BIRC6: variants seen among roughly 807,000 people sequenced by gnomAD.
The protein encoded by BIRC6 is dual E2 ubiquitin-conjugating enzyme/E3 ubiquitin-protein ligase BIRC6.
BIRC6 carries 98 observed loss-of-function variants against 503.3 expected under a neutral mutation model. That is an observed-to-expected ratio of 0.19 (90% CI 0.17 to 0.23). BIRC6 has a LOEUF of 0.23. Among genes scored for constraint, BIRC6 ranks in the 10% least tolerant of loss-of-function variants. The pLI is 1.00. For missense variants in BIRC6, 5,360 were observed against 5,806.0 expected (o/e 0.92, Z 2.50); for synonymous variants, 2,240 against 2,078.7 (o/e 1.08, Z -2.11).
Position 32,524,943 on chromosome 2 carries a change from G to T in BIRC6, c.11679G>T (p.Lys3893Asn). 2 of 1,533,564 alleles carry T rather than the reference G, an allele frequency of 1.3e-6. No homozygotes were observed. The highest frequency in any genetic ancestry group is 8.8e-7 in the Non-Finnish European group (1 of 1,139,224). The allele number at this position is 1,533,564 out of a possible 1,614,324, so 95.0% of individuals were successfully genotyped here. A position where few individuals can be genotyped will look rare whatever the true frequency, so the allele number is the denominator to read the frequency against. Residue 3893 changes from lysine to asparagine, a missense_variant, in exon 58 of 74, where the codon AAG becomes AAT. Physicochemically the swap from Lys to Asn is moderately conservative, Grantham distance 94. Transcript: ENST00000421745. ...LISEQKDDKE[K>N]KNHEEKEKVK... Reference sequence around the variant, plus strand: ...GTGAACAAAAAGATGACAAAGAAAAGAAAAACCATGAAGAGAAAGAAAAAG... The same window carrying T: ...GTGAACAAAAAGATGACAAAGAAAATAAAAACCATGAAGAGAAAGAAAAAG...
At chr2:32,430,200 TA>T (rs1368025021) in intron 11 of BIRC6, among the ~76,000 whole-genome samples, 1 of 152,188 alleles carries the variant, frequency 6.6e-6, no homozygotes, top group East Asian at 1.9e-4. Context: ...AGTATTTTAT[TA>T]ATTTTTTAAA....
At position 32,503,125 on chromosome 2, in the gene BIRC6, A is replaced by G; in HGVS notation, c.9388A>G (p.Met3130Val). 6.2e-7 allele frequency: 1 copy of G among 1,611,852 alleles called. No individual in the cohort carries two copies. Among genetic ancestry groups the G allele is most frequent in the Non-Finnish European group, 8.5e-7 (1 of 1,178,850 alleles). ...TGCAAGAAGTATGGTATCAACTATT[A>G]TGAAATTTCTTGACTCTGGTCCAAA... Reference protein sequence around the residue: ...NTARSMVSTIMKFLDSGPNKA... With the variant: ...NTARSMVSTIVKFLDSGPNKA... The change falls in exon 49 of 74, where the codon ATG (methionine) becomes GTG (valine). Residue 3130 changes from methionine to valine, a missense_variant. Around this residue, in one of 16 missense-constraint regions of BIRC6, gnomAD observed 267 missense variants for 287.6 expected, o/e 0.93. Transcript: ENST00000421745.
intron 10 of BIRC6, among the ~76,000 whole-genome samples, chr2:32,421,266 C>G (rs2042930841): frequency 1.3e-5 from 2 of 151,860 alleles, no homozygotes; most frequent in South Asian, 4.1e-4. Flanking sequence ...GCCACCACGC[C>G]CAGCTAATTT....
chr2:32,499,820 A>G lies in BIRC6; in HGVS notation c.8742A>G (p.Thr2914=). 2 of 1,614,006 alleles carry G rather than the reference A, an allele frequency of 1.2e-6. No homozygotes were observed. The highest frequency in any genetic ancestry group is 1.7e-6 in the Non-Finnish European group (2 of 1,179,888). The change falls in exon 46 of 74, where the codon ACA becomes ACG. Residue 2914 remains threonine (T), a synonymous_variant. Transcript: ENST00000421745. ...GDAKAVCGEM[T]RDQLMFDLLK... ...CAAAAGCAGTTTGTGGCGAAATGAC[A>G]AGAGATCAACTCATGTTTGATTTGT...
intron 23 of BIRC6, among the ~76,000 whole-genome samples, chr2:32,456,336 T>C (rs894569430): frequency 7.2e-5 from 11 of 152,234 alleles, no homozygotes; most frequent in Admixed American, 6.5e-4. Context: ...TATCATTGCA[T>C]ATAGACAGTT....
intron 66 of BIRC6, among the ~76,000 whole-genome samples, chr2:32,575,583 T>C (rs1157936811): frequency 6.6e-6 from 1 of 152,006 alleles, no homozygotes; most frequent in Non-Finnish European, 1.5e-5. Flanking sequence ...GCTAACATGG[T>C]GAAACCCCGT....
chr2:32,618,194 G>T lies in BIRC6; in HGVS notation c.*290G>T. The T allele has an allele frequency of 4.5e-6, 1 of 220,940 alleles. No homozygotes were observed. The highest frequency in any genetic ancestry group is 8.8e-6 in the Non-Finnish European group (1 of 113,424). 13.7% of individuals were successfully genotyped at this position (220,940 alleles called of 1,614,324 possible). ...CTGCTATATAAGGGAAACTACCTTA[G>T]GAAAGAATGTTTACTGAATGTTTAT... is the stretch of plus-strand genomic sequence containing the variant. On this transcript the variant is annotated 3_prime_UTR_variant, in exon 74 of 74. Transcript: ENST00000421745.
intron 23 of BIRC6, among the ~76,000 whole-genome samples, chr2:32,457,384 A>C (rs1226402270): frequency 6.6e-6 from 1 of 151,956 alleles, no homozygotes; most frequent in Non-Finnish European, 1.5e-5. Flanking sequence ...CATTGTCCTG[A>C]TGGTTGGTTA....
chr2:32,380,095 T>G, intron 2 of BIRC6, 58 bp from the exon 3 acceptor site: 2 of 1,237,108 alleles, frequency 1.6e-6, no homozygotes, highest in Non-Finnish European at 2.2e-6. Flanking sequence ...GAATTTAATT[T>G]TTTGTTGTTC....
chr2:32,484,178 C>A (rs1248942721), intron 39 of BIRC6, among the ~76,000 whole-genome samples: 1 of 152,088 alleles, frequency 6.6e-6, no homozygotes, highest in Non-Finnish European at 1.5e-5. Context: ...TGCCCGGCTG[C>A]TGTAAAAAGT....
chr2:32,395,945 T>C (rs1206649139), intron 6 of BIRC6, among the ~76,000 whole-genome samples: 2 of 152,206 alleles, frequency 1.3e-5, no homozygotes, highest in African/African-American at 2.4e-5. Flanking sequence ...GAGAGCCTTA[T>C]AGTATACATT....
intron 65 of BIRC6, among the ~76,000 whole-genome samples, chr2:32,573,156 C>T (rs768236932): frequency 4.6e-5 from 7 of 152,134 alleles, no homozygotes; most frequent in Admixed American, 2.6e-4. Flanking sequence ...GTTTTCTTTA[C>T]TGCTTATTCC....
chr2:32,538,710 C>T (rs1043156664), intron 61 of BIRC6, among the ~76,000 whole-genome samples: 1 of 152,226 alleles, frequency 6.6e-6, no homozygotes, highest in Non-Finnish European at 1.5e-5. Context: ...GCAGGCAGAT[C>T]ACCTGAGCTC....
chr2:32,409,824 T>G (rs77718233), intron 9 of BIRC6, among the ~76,000 whole-genome samples: 3,870 of 152,276 alleles, frequency 0.025, 157 homozygotes, highest in African/African-American at 0.09. Context: ...GTGTAAAAAT[T>G]TATTTTTTGG....
intron 45 of BIRC6, among the ~76,000 whole-genome samples, chr2:32,497,991 C>T (rs1327366999): frequency 1.3e-5 from 2 of 151,990 alleles, no homozygotes; most frequent in Non-Finnish European, 2.9e-5. Context: ...TTTAAGAAAT[C>T]TTTTTCTGTT....
At chr2:32,611,227 T>C (rs1402889994) in intron 72 of BIRC6, among the ~76,000 whole-genome samples, 1 of 151,936 alleles carries the variant, frequency 6.6e-6, no homozygotes, top group Non-Finnish European at 1.5e-5. Flanking sequence ...TGCCTCAGCC[T>C]CCCAAATTGA....
chr2:32,377,854 T>C, intron 2 of BIRC6, 85 bp downstream of exon 2: 1 of 1,217,988 alleles, frequency 8.2e-7, no homozygotes, highest in Non-Finnish European at 1.1e-6. Context: ...AGTCATCCTT[T>C]AAGGACGTTA....
intron 43 of BIRC6, 75 bp downstream of exon 43, chr2:32,490,226 G>T (rs2051519912): frequency 7.8e-7 from 1 of 1,288,318 alleles, no homozygotes; most frequent in Non-Finnish European, 1.1e-6. Flanking sequence ...TTAAAACAGA[G>T]TTTTCCAAGG....
At chr2:32,514,963 A>G (rs755548372) in intron 54 of BIRC6, 27 bp from the exon 55 acceptor site, 30 of 1,533,414 alleles carry the variant, frequency 2.0e-5, no homozygotes, top group Non-Finnish European at 2.1e-5. Context: ...TACTTGTATC[A>G]TTAATATGAT....
Sources: gnomAD v4.1 joint callset for allele counts (sites outside exome capture counted in the v4.1 genomes callset) on GRCh38, gnomAD v4.1.1 for gene constraint, gnomAD v4.1.1 regional missense constraint, MANE v1.5 for transcripts, NCBI Gene and HGNC (gene_info 2026-07-23, HGNC 2026-07-21) for gene names.